Variants in NAALADL2 observed in about 807,000 individuals in gnomAD.
NAALADL2 encodes N-acetylated alpha-linked acidic dipeptidase like 2.
Under a neutral mutation model 87.2 loss-of-function variants are expected in NAALADL2, and 76 were observed. That is an observed-to-expected ratio of 0.87 (90% CI 0.72 to 1.05). NAALADL2 has a LOEUF of 1.05. Ranked by LOEUF, NAALADL2 falls within the 50% of genes least tolerant of loss-of-function variation. The pLI, the probability that NAALADL2 is intolerant of heterozygous loss-of-function variation, is 0.00. For missense variants in NAALADL2, 1,089 were observed against 945.8 expected, an observed-to-expected ratio of 1.15 and a Z score of -1.99; for synonymous variants, 354 against 331.0, an observed-to-expected ratio of 1.07 and a Z score of -0.75.
At chr3:174,800,240 A>G (rs554814674) in intron 3 of NAALADL2, among the ~76,000 whole-genome samples, 1 of 152,090 alleles carries the variant, frequency 6.6e-6, no homozygotes, top group African/African-American at 2.4e-5. Flanking sequence ...CCAGGGCATC[A>G]CAGGTCCTGA....
At chr3:175,048,564 A>C (rs1754971683) in intron 1 of NAALADL2, among the ~76,000 whole-genome samples, 1 of 151,892 alleles carries the variant, frequency 6.6e-6, no homozygotes, top group Admixed American at 6.6e-5. Context: ...GAAAGAGGAA[A>C]GGAGATTATT....
chr3:174,886,873 A>G (rs73045477), intron 1 of NAALADL2, among the ~76,000 whole-genome samples: 108 of 152,222 alleles, frequency 7.1e-4, no homozygotes, highest in African/African-American at 2.4e-3. Flanking sequence ...TTTCATTTCT[A>G]TTGGGTCCTT....
chr3:174,933,739 C>T (rs981059312), intron 1 of NAALADL2, among the ~76,000 whole-genome samples: 5 of 152,052 alleles, frequency 3.3e-5, no homozygotes, highest in Non-Finnish European at 7.4e-5. Flanking sequence ...GGATATCTTT[C>T]GTTTTTAAAG....
At chr3:174,776,849 A>G (rs773077810) in intron 3 of NAALADL2, among the ~76,000 whole-genome samples, 12 of 152,160 alleles carry the variant, frequency 7.9e-5, no homozygotes, top group Non-Finnish European at 1.5e-4. Flanking sequence ...TTGTTTGCAC[A>G]TAATACACAT....
At chr3:175,491,319 C>T (rs940971346) in intron 9 of NAALADL2, among the ~76,000 whole-genome samples, 1 of 150,186 alleles carries the variant, frequency 6.7e-6, no homozygotes, top group Non-Finnish European at 1.5e-5. Context: ...TTTTTGTTTT[C>T]ATTGGATTTT....
intron 11 of NAALADL2, among the ~76,000 whole-genome samples, chr3:175,705,925 A>G (rs1739633562): frequency 6.6e-6 from 1 of 152,168 alleles, no homozygotes; most frequent in African/African-American, 2.4e-5. Context: ...TTTTAGAGCA[A>G]TGTCTCTAAG....
Position 175,052,959 on chromosome 3 carries a change from A to G in NAALADL2, c.44-43831A>G, listed in dbSNP as rs1313069592. 2.6e-5 allele frequency among the ~76,000 whole-genome samples: 4 copies of G among 152,204 alleles called. No individual in the cohort carries two copies. The East Asian group carries it at 7.7e-4, about 29-fold the overall frequency. On this transcript the variant is annotated intron_variant, in intron 1 of 13. Coordinates refer to ENST00000454872, the MANE Select transcript of NAALADL2 (RefSeq NM_207015.3). The stretch of plus-strand genomic sequence containing the variant: ...CCGTGGCATGCAAACCGAGAGGTGC[A>G]ATTCAAGCTAAACATCCCCTTAGGG...
chr3:175,358,841 G>A (rs1265818508), intron 5 of NAALADL2, among the ~76,000 whole-genome samples: 1 of 151,984 alleles, frequency 6.6e-6, no homozygotes, highest in African/African-American at 2.4e-5. Context: ...TTCCAAATTT[G>A]GCACAATAAG....
At chr3:174,541,673 A>G (rs1255107883) in intron 1 of NAALADL2, among the ~76,000 whole-genome samples, 13 of 152,226 alleles carry the variant, frequency 8.5e-5, no homozygotes, top group Admixed American at 8.5e-4. Flanking sequence ...AGAATTCAGT[A>G]TGTTTCTTCC....
intron 9 of NAALADL2, among the ~76,000 whole-genome samples, chr3:175,523,272 A>G (rs1732920184): frequency 6.6e-6 from 1 of 152,206 alleles, no homozygotes; most frequent in Admixed American, 6.6e-5. Context: ...CGTCTAATGG[A>G]TAGAGAGCAG....
At chr3:174,919,159 C>T (rs932847142) in intron 1 of NAALADL2, among the ~76,000 whole-genome samples, 13 of 151,996 alleles carry the variant, frequency 8.6e-5, no homozygotes, top group African/African-American at 3.1e-4. Context: ...GCGTTGATGG[C>T]TTCTGACTGA....
At chr3:175,802,914 C>T (rs930820625) in intron 13 of NAALADL2, 91 bp from the exon 14 acceptor site, 1 of 773,234 alleles carries the variant, frequency 1.3e-6, no homozygotes, top group African/African-American at 1.8e-5. Flanking sequence ...TTATTGAAAA[C>T]ATCACTGACT....
chr3:174,995,900 T>G (rs1747379195), intron 1 of NAALADL2, among the ~76,000 whole-genome samples: 1 of 152,152 alleles, frequency 6.6e-6, no homozygotes, highest in Non-Finnish European at 1.5e-5. Context: ...TAATATATGA[T>G]TATTACTAAT....
intron 11 of NAALADL2, among the ~76,000 whole-genome samples, chr3:175,673,058 A>G (rs1464210219): frequency 6.6e-6 from 1 of 152,210 alleles, no homozygotes; most frequent in African/African-American, 2.4e-5. Flanking sequence ...TATTGAGCCT[A>G]GATCTGCTCT....
rs1011421981 is a variant in NAALADL2 at position 174,925,674 on chromosome 3, A to G, written c.43+66224A>G. Reference sequence around the variant, plus strand: ...ATAAATTACCTTGGGCAGTATGGCCATTTTCATGATACTGATTCTTCCTAT... The same window carrying G: ...ATAAATTACCTTGGGCAGTATGGCCGTTTTCATGATACTGATTCTTCCTAT... On this transcript the variant is annotated intron_variant, in intron 1 of 13. Transcript: ENST00000454872. Among the ~76,000 whole-genome samples the G allele has an allele frequency of 2.6e-5, 4 of 152,224 alleles. No homozygotes were observed. In the South Asian group the frequency reaches 6.2e-4, roughly 24 times the overall value.
intron 1 of NAALADL2, among the ~76,000 whole-genome samples, chr3:175,085,992 C>T (rs1718825971): frequency 6.6e-6 from 1 of 152,072 alleles, no homozygotes; most frequent in Admixed American, 6.6e-5. Context: ...GAAAGTCTCA[C>T]CAGTTGCAAT....
intron 2 of NAALADL2, among the ~76,000 whole-genome samples, chr3:174,664,435 G>T (rs1444223233): frequency 1.3e-5 from 2 of 152,126 alleles, no homozygotes; most frequent in African/African-American, 4.8e-5. Flanking sequence ...TTTTTATGGG[G>T]TTTTTAGAAG....
intron 3 of NAALADL2, among the ~76,000 whole-genome samples, chr3:174,829,019 T>G (rs1051864243): frequency 2.0e-5 from 3 of 152,212 alleles, no homozygotes; most frequent in Admixed American, 6.5e-5. Flanking sequence ...TGAGAGCCTA[T>G]TATGATCAGG....
rs575518444 is a variant in NAALADL2, at chr3:175,569,804, A to T, written c.1654-6237A>T. 4.7e-5 allele frequency among the ~76,000 whole-genome samples: 7 copies of T among 149,186 alleles called. No homozygotes were observed. In the East Asian group the frequency reaches 1.2e-3, roughly 25 times the overall value. ...GCCACCTGTTACAGCATTCTCTTAT[A>T]GCAGCCCAGACCAACTAATACACAC... On this transcript the variant is annotated intron_variant, in intron 9 of 13. Coordinates refer to ENST00000454872, the MANE Select transcript of NAALADL2 (RefSeq NM_207015.3).
Sources: gnomAD v4.1 joint callset for allele counts (sites outside exome capture counted in the v4.1 genomes callset) on GRCh38, gnomAD v4.1.1 for gene constraint, MANE v1.5 for transcripts, NCBI Gene and HGNC (gene_info 2026-07-23, HGNC 2026-07-21) for gene names.